The following PTPRO variants were observed in gnomAD, a reference collection of about 807,000 sequenced individuals.
PTPRO encodes protein tyrosine phosphatase receptor type O, also known as receptor-type tyrosine-protein phosphatase O.
Under a neutral mutation model 145.2 loss-of-function variants are expected in PTPRO, and 62 were observed. The ratio of observed to expected loss-of-function variants is 0.43; its 90% CI spans 0.35 to 0.53. PTPRO has a LOEUF of 0.53. Ranked by LOEUF, PTPRO falls within the 20% of genes least tolerant of loss-of-function variation. PTPRO has a pLI of 0.01. For synonymous variants in PTPRO, 565 were observed against 514.7 expected, an observed-to-expected ratio of 1.10 and a Z score of -1.32; for missense variants, 1,345 against 1,482.7, an observed-to-expected ratio of 0.91 and a Z score of 1.53.
chr12:15,322,902 TG>T lies in PTPRO; in HGVS notation c.75+103del. On this transcript the variant is annotated intron_variant, in intron 1 of 26. Transcript: ENST00000281171. This position sits in a 1 kb window ranked among gnomAD's most constrained non-coding sequence, Gnocchi z 6.3. Reference sequence around the variant, plus strand: ...GGGAGCGGCGCGCCCCAGGGCACGATGGCCCAGCCGCGGGAAGCGCCTGCCG... The same window carrying T: ...GGGAGCGGCGCGCCCCAGGGCACGATGCCCAGCCGCGGGAAGCGCCTGCCG... 1 of 1,218,248 alleles carries T rather than the reference TG, an allele frequency of 8.2e-7. No individual in the cohort carries two copies. The highest frequency in any genetic ancestry group is 1.2e-6 in the Non-Finnish European group (1 of 865,832). The allele number at this position is 1,218,248 out of a possible 1,614,324, so 75.5% of individuals were successfully genotyped here.
At chr12:15,378,072 C>T (rs1427749379) in intron 1 of PTPRO, among the ~76,000 whole-genome samples, 1 of 151,790 alleles carries the variant, frequency 6.6e-6, no homozygotes, top group African/African-American at 2.4e-5. Context: ...CCTAATCTTC[C>T]ACCTTAAGAA....
At chr12:15,340,562 A>C (rs1309603945) in intron 1 of PTPRO, among the ~76,000 whole-genome samples, 1 of 152,222 alleles carries the variant, frequency 6.6e-6, no homozygotes, top group Admixed American at 6.5e-5. Flanking sequence ...CGTAAACGTC[A>C]GGCTTATTCT....
intron 26 of PTPRO, 167 bp downstream of exon 26, chr12:15,595,224 T>A (rs1347088276): frequency 3.2e-6 from 2 of 625,002 alleles, no homozygotes; most frequent in Non-Finnish European, 5.9e-6. Context: ...GAGAAACAAG[T>A]ACTGTAGCAG....
Position 15,499,717 on chromosome 12 carries a change from T to C in PTPRO, c.661+123T>C, listed in dbSNP as rs116466033. 4,404 of 1,145,410 alleles carry C rather than the reference T, an allele frequency of 3.8e-3. 81 individuals carry two copies. In the African/African-American group the frequency reaches 0.053, roughly 14 times the overall value. 71.0% of individuals were successfully genotyped at this position (1,145,410 alleles called of 1,614,324 possible). On this transcript the variant is annotated intron_variant, in intron 4 of 26. Coordinates refer to ENST00000281171, the MANE Select transcript of PTPRO (RefSeq NM_030667.3). ...AAAGAAAGAAAATATATATGTTTAA[T>C]AACCTAAAACAGATTTTCTATCAAT... is the stretch of plus-strand genomic sequence containing the variant.
chr12:15,362,783 G>A (rs1938249264), intron 1 of PTPRO, among the ~76,000 whole-genome samples: 1 of 151,984 alleles, frequency 6.6e-6, no homozygotes, highest in Non-Finnish European at 1.5e-5. Flanking sequence ...AAAATAAAAC[G>A]ATATTATAGT....
chr12:15,509,973 A>G (rs1942405600), intron 7 of PTPRO, among the ~76,000 whole-genome samples: 1 of 152,126 alleles, frequency 6.6e-6, no homozygotes, highest in Admixed American at 6.5e-5. Flanking sequence ...TTCTGGCCTT[A>G]TGTTTTTACA....
rs1357649651 is a variant in PTPRO at position 15,586,798 on chromosome 12, C to T, written c.3256-99C>T. On this transcript the variant is annotated intron_variant, in intron 23 of 26. Coordinates refer to ENST00000281171, the MANE Select transcript of PTPRO (RefSeq NM_030667.3). ...GAAAGTGTACTGACCAGGAGTGGAA[C>T]GTGGCTCTACCTTTTTGCATGCTTA... is the stretch of plus-strand genomic sequence containing the variant. 18 of 1,363,238 alleles carry T rather than the reference C, an allele frequency of 1.3e-5. 1 individual carries two copies. Among genetic ancestry groups the T allele is most frequent in the African/African-American group, 1.0e-4 (7 of 69,650 alleles). 84.4% of individuals were successfully genotyped at this position (1,363,238 alleles called of 1,614,324 possible).
chr12:15,529,988 G>T (rs1784333572), intron 12 of PTPRO, among the ~76,000 whole-genome samples: 1 of 152,120 alleles, frequency 6.6e-6, no homozygotes, highest in African/African-American at 2.4e-5. Context: ...CACTTCACCT[G>T]TAAAGACACA....
rs867561696 is a variant in PTPRO, at chr12:15,557,073, C to T, written c.2559-382C>T. Among the ~76,000 whole-genome samples the T allele has an allele frequency of 2.0e-5, 3 of 147,254 alleles. No individual in the cohort carries two copies. In the South Asian group the frequency reaches 6.4e-4, roughly 32 times the overall value. On this transcript the variant is annotated intron_variant, in intron 15 of 26. Transcript: ENST00000281171. The stretch of plus-strand genomic sequence containing the variant: ...TTTTTCTTTTTGAGACAGAGTCTTG[C>T]TCTGTCACCCAGGCTGGAGTGCGGT...
chr12:15,426,529 T>C (rs773014394), intron 1 of PTPRO, among the ~76,000 whole-genome samples: 18 of 152,060 alleles, frequency 1.2e-4, no homozygotes, highest in Non-Finnish European at 4.4e-5. Context: ...TACACAGTAG[T>C]TTGATTTTTA....
intron 21 of PTPRO, 122 bp from the exon 22 acceptor site, chr12:15,580,575 G>A (rs1411654700): frequency 2.7e-6 from 3 of 1,100,482 alleles, no homozygotes; most frequent in Non-Finnish European, 4.1e-6. Flanking sequence ...ACATTACATA[G>A]GTGTGTGATC....
At chr12:15,399,334 G>A (rs553261030) in intron 1 of PTPRO, among the ~76,000 whole-genome samples, 1 of 152,288 alleles carries the variant, frequency 6.6e-6, no homozygotes, top group East Asian at 1.9e-4. Context: ...TGGTGGTATT[G>A]CTCTGTCACA....
intron 2 of PTPRO, among the ~76,000 whole-genome samples, chr12:15,486,774 C>T (rs1941896999): frequency 6.6e-6 from 1 of 151,528 alleles, no homozygotes; most frequent in Non-Finnish European, 1.5e-5. Context: ...CCATATGTAG[C>T]TAGTTGCTAC....
chr12:15,426,255 A>G (rs1223628023), intron 1 of PTPRO, among the ~76,000 whole-genome samples: 3 of 151,850 alleles, frequency 2.0e-5, no homozygotes, highest in Non-Finnish European at 2.9e-5. Flanking sequence ...TAATGTTTGC[A>G]TGTCTTTCAT....
chr12:15,332,722 C>T (rs1165764229), intron 1 of PTPRO, among the ~76,000 whole-genome samples: 2 of 152,110 alleles, frequency 1.3e-5, no homozygotes, highest in Non-Finnish European at 2.9e-5. Context: ...GTGACATTAC[C>T]AACAGCTGTA....
chr12:15,503,423 T>C (rs749636950), intron 5 of PTPRO, among the ~76,000 whole-genome samples: 10 of 152,150 alleles, frequency 6.6e-5, no homozygotes, highest in Admixed American at 3.3e-4. Flanking sequence ...TAATTTTACT[T>C]TAAGTTCAGG....
intron 1 of PTPRO, among the ~76,000 whole-genome samples, chr12:15,341,749 G>A (rs1200919384): frequency 6.6e-6 from 1 of 152,112 alleles, no homozygotes; most frequent in Non-Finnish European, 1.5e-5. Flanking sequence ...TATAGTATGT[G>A]CCTCAGGTAA....
At chr12:15,390,171 T>C (rs1478499949) in intron 1 of PTPRO, among the ~76,000 whole-genome samples, 3 of 152,116 alleles carry the variant, frequency 2.0e-5, no homozygotes, top group Non-Finnish European at 4.4e-5. Flanking sequence ...AAAGCATTTA[T>C]CCATTGGTCC....
rs1173446145 is a variant in PTPRO at position 15,355,182 on chromosome 12, AC to A, written c.75+32382del. Among the ~76,000 whole-genome samples the A allele has an allele frequency of 3.3e-5, 5 of 152,296 alleles. No homozygotes were observed. The South Asian group carries it at 6.2e-4, about 19-fold the overall frequency. ...TGTCTTTGCAATGCTCTTATCTGAC[AC>A]AGGTCTCTTAAAGGTTGGGTTGAAT... is the stretch of plus-strand genomic sequence containing the variant. On this transcript the variant is annotated intron_variant, in intron 1 of 26. Coordinates refer to ENST00000281171, the MANE Select transcript of PTPRO (RefSeq NM_030667.3).
Sources: allele counts gnomAD v4.1 joint callset (sites outside exome capture counted in the v4.1 genomes callset), GRCh38; gene constraint gnomAD v4.1.1; non-coding constraint Gnocchi (gnomAD v3.1); transcripts MANE v1.5; gene names NCBI Gene and HGNC (gene_info 2026-07-23, HGNC 2026-07-21).